Variants in ASIC3 observed in about 807,000 individuals in gnomAD.
ASIC3 encodes the protein acid-sensing ion channel 3.
In ASIC3, 46 loss-of-function variants were observed where a neutral mutation model predicts 58.6. The ratio of observed to expected loss-of-function variants is 0.79; its 90% CI spans 0.62 to 1.00. The LOEUF (loss-of-function observed/expected upper bound fraction) is 1.00, where lower values mean the gene tolerates loss of function less well. Ranked by LOEUF, ASIC3 falls within the 50% of genes least tolerant of loss-of-function variation. The pLI, the probability that ASIC3 is intolerant of heterozygous loss-of-function variation, is 0.00. For missense variants in ASIC3, 770 were observed against 735.0 expected (o/e 1.05, Z -0.55); for synonymous variants, 336 against 300.2 (o/e 1.12, Z -1.23).
At chr7:151,048,464 A>C, upstream of ASIC3, 1 of 177,328 alleles carries the variant, frequency 5.6e-6, no homozygotes, top group Non-Finnish European at 1.2e-5. Flanking sequence ...CTGGGGCCCT[A>C]GGGACCTCTC....
intron 6 of ASIC3, among the ~76,000 whole-genome samples, 197 bp downstream of exon 6, chr7:151,051,516 G>GT (rs1333370963): frequency 1.7e-3 from 194 of 114,412 alleles, no homozygotes; most frequent in African/African-American, 5.1e-3. Context: ...CCAGGGGTCT[G>GT]TTTTTTTTTC....
At chr7:151,049,674 G>A (rs1435100024) in intron 1 of ASIC3, among the ~76,000 whole-genome samples, 1 of 152,224 alleles carries the variant, frequency 6.6e-6, no homozygotes, top group Non-Finnish European at 1.5e-5. Flanking sequence ...CTAGGCCTGA[G>A]GTCTGGCCCA....
Position 151,051,205 on chromosome 7 carries a change from CCAACCCGTGCGCCAGCA to C in ASIC3, c.1102_1118del (p.Asn368AlafsTer43), listed in dbSNP as rs757817730. Reference sequence around the variant, plus strand: ...CTTCGCAAGGACTCGTGCGCCTGCCCCAACCCGTGCGCCAGCACGCGCTACGCCAAGGAGCTCTCCAT... The same window carrying C: ...CTTCGCAAGGACTCGTGCGCCTGCCCCGCGCTACGCCAAGGAGCTCTCCAT... On this transcript the variant is annotated frameshift_variant, in exon 6 of 11. Coordinates refer to ENST00000349064, the MANE Select transcript of ASIC3 (RefSeq NM_004769.4). LOFTEE classifies it high-confidence loss of function. 7.4e-5 allele frequency: 118 copies of C among 1,586,490 alleles called. No individual in the cohort carries two copies. Among genetic ancestry groups the C allele is most frequent in the Non-Finnish European group, 9.5e-5 (111 of 1,172,856 alleles).
chr7:151,051,212 GTGCGCCAGCAC>G lies in ASIC3; in HGVS notation c.1108_1118del (p.Cys370AlafsTer43). 1 of 1,583,924 alleles carries G rather than the reference GTGCGCCAGCAC, an allele frequency of 6.3e-7. No individual in the cohort carries two copies. The highest frequency in any genetic ancestry group is 8.5e-7 in the Non-Finnish European group (1 of 1,171,708). The stretch of plus-strand genomic sequence containing the variant: ...AGGACTCGTGCGCCTGCCCCAACCC[GTGCGCCAGCAC>G]GCGCTACGCCAAGGAGCTCTCCATG... On this transcript the variant is annotated frameshift_variant, in exon 6 of 11. Coordinates refer to ENST00000349064, the MANE Select transcript of ASIC3 (RefSeq NM_004769.4). LOFTEE classifies it high-confidence loss of function.
Position 151,051,323 on chromosome 7 carries a change from A to G in ASIC3, c.1214+4A>G. Reference sequence around the variant, plus strand: ...ACCGCAGCGAGGCCTACATCGCGTGAGCTGCGCGGGGCGGGCGGGCTCCTC... The same window carrying G: ...ACCGCAGCGAGGCCTACATCGCGTGGGCTGCGCGGGGCGGGCGGGCTCCTC... On this transcript the variant is annotated splice_donor_region_variant and intron_variant, in intron 6 of 10. Transcript: ENST00000349064. 1 of 1,493,586 alleles carries G rather than the reference A, an allele frequency of 6.7e-7. No individual in the cohort carries two copies. Among genetic ancestry groups the G allele is most frequent in the Non-Finnish European group, 8.8e-7 (1 of 1,132,382 alleles). 92.5% of individuals were successfully genotyped at this position (1,493,586 alleles called of 1,614,324 possible).
rs753138445 is a variant in ASIC3 at position 151,050,834 on chromosome 7, A to G, written c.890A>G (p.Asp297Gly). Residue 297 changes from aspartate (D) to glycine (G), a missense_variant, in exon 4 of 11, where the codon GAT becomes GGT. Asp to Gly is a moderately conservative substitution (Grantham distance 94). Coordinates refer to ENST00000349064, the MANE Select transcript of ASIC3 (RefSeq NM_004769.4). ...LNPNYEPEPSDPLGSPSPSPS... is the reference protein window; with the variant it reads ...LNPNYEPEPSGPLGSPSPSPS... ...CCCAACTATGAGCCAGAGCCCTCTGATCCCCTAGGCTCCCCCAGCCCCAGC... is the reference window on the plus strand; with the variant it reads ...CCCAACTATGAGCCAGAGCCCTCTGGTCCCCTAGGCTCCCCCAGCCCCAGC... 5 of 1,613,470 alleles carry G rather than the reference A, an allele frequency of 3.1e-6. No homozygotes were observed. In the South Asian group the frequency reaches 3.3e-5, roughly 11 times the overall value.
chr7:151,050,499 T>A lies in ASIC3; in HGVS notation c.704T>A (p.Val235Glu). 3 of 1,613,762 alleles carry A rather than the reference T, an allele frequency of 1.9e-6. No homozygotes were observed. Among genetic ancestry groups the A allele is most frequent in the Non-Finnish European group, 2.5e-6 (3 of 1,179,892 alleles). The stretch of plus-strand genomic sequence containing the variant: ...CCGACAGAGGAGACCCCGTTTGAGG[T>A]GGGGATCCGAGTGCAGATCCACAGC... ...WRDNEETPFE[V>E]GIRVQIHSQE... Residue 235 changes from valine (V) to glutamate (E), a missense_variant, in exon 3 of 11, where the codon GTG becomes GAG. Coordinates refer to ENST00000349064, the MANE Select transcript of ASIC3 (RefSeq NM_004769.4).
rs1471708260 is a variant in ASIC3, at chr7:151,048,768, CTCT to C, written c.-114_-112del. 7.6e-7 allele frequency: 1 copy of C among 1,310,378 alleles called. No individual in the cohort carries two copies. The highest frequency in any genetic ancestry group is 1.5e-5 in the African/African-American group (1 of 67,478). 81.2% of individuals were successfully genotyped at this position (1,310,378 alleles called of 1,614,324 possible). ...TCCAACCTTGGCTGTCTCCCACCCT[CTCT>C]TCTCCTCTCCTTGCCTGGCCTCCTG... On this transcript the variant is annotated 5_prime_UTR_variant, in exon 1 of 11. Transcript: ENST00000349064.
chr7:151,051,783 C>G, intron 6 of ASIC3, 27 bp from the exon 7 acceptor site: 1 of 1,610,062 alleles, frequency 6.2e-7, no homozygotes, highest in Non-Finnish European at 8.5e-7. Flanking sequence ...GTGGCCAGCC[C>G]ACATTTGAGG....
chr7:151,051,383 A>C, intron 6 of ASIC3, 64 bp downstream of exon 6: 1 of 1,412,430 alleles, frequency 7.1e-7, no homozygotes, highest in Non-Finnish European at 9.1e-7. Context: ...GGAACGGGGC[A>C]GGCCAGGCCG....
intron 3 of ASIC3, 39 bp downstream of exon 3, chr7:151,050,647 C>G (rs1030627779): frequency 1.9e-6 from 3 of 1,612,922 alleles, no homozygotes; most frequent in Non-Finnish European, 2.5e-6. Context: ...TACTTCAAGC[C>G]CACACCACCT....
In ASIC3 at chr7:151,051,052, G is replaced by A; in HGVS notation, c.1023G>A (p.Val341=). 6.2e-7 allele frequency: 1 copy of A among 1,613,324 alleles called. No individual in the cohort carries two copies. The highest frequency in any genetic ancestry group is 8.5e-7 in the Non-Finnish European group (1 of 1,180,008). Residue 341 remains valine (V), a synonymous_variant, in exon 5 of 11, where the codon GTG becomes GTA. Transcript: ENST00000349064. The part of the protein sequence containing the change: ...RMVYMPGDVP[V]CSPQQYKNCA... ...CGGTACCCGCAGGCGACGTGCCAGTGTGCAGCCCCCAGCAGTACAAGAACT... is the reference window on the plus strand; with the variant it reads ...CGGTACCCGCAGGCGACGTGCCAGTATGCAGCCCCCAGCAGTACAAGAACT...
rs116014003 is a variant in ASIC3, at chr7:151,048,929, C to G, written c.44C>G (p.Ser15Trp). 1.0e-4 allele frequency: 158 copies of G among 1,570,350 alleles called. No individual in the cohort carries two copies. The highest frequency in any genetic ancestry group is 2.6e-5 in the Non-Finnish European group (30 of 1,154,464). ...CCAGAGGAGGCCCGGCGGCCAGCCTCGGACATCCGCGTGTTCGCCAGCAAC... is the reference window on the plus strand; with the variant it reads ...CCAGAGGAGGCCCGGCGGCCAGCCTGGGACATCCGCGTGTTCGCCAGCAAC... ...SGPEEARRPA[S>W]DIRVFASNCS... The change falls in exon 1 of 11, where the codon TCG becomes TGG. Residue 15 changes from serine (S) to tryptophan (W), a missense_variant. Coordinates refer to ENST00000349064, the MANE Select transcript of ASIC3 (RefSeq NM_004769.4).
chr7:151,052,162 C>G lies in ASIC3; in HGVS notation c.1387-4C>G, dbSNP rs1229608993. Reference sequence around the variant, plus strand: ...TGGCCACCTCCCATCCTGCTTGCCTCCAGGTGTTCCGAGACAAGGTCCTGG... The same window carrying G: ...TGGCCACCTCCCATCCTGCTTGCCTGCAGGTGTTCCGAGACAAGGTCCTGG... On this transcript the variant is annotated splice_region_variant and splice_polypyrimidine_tract_variant and intron_variant, in intron 8 of 10. Coordinates refer to ENST00000349064, the MANE Select transcript of ASIC3 (RefSeq NM_004769.4). The surrounding 1 kb of genome is among the most constrained non-coding windows in gnomAD (Gnocchi z 5.0). The G allele has an allele frequency of 6.2e-7, 1 of 1,614,006 alleles. No homozygotes were observed. The highest frequency in any genetic ancestry group is 1.1e-5 in the South Asian group (1 of 91,080).
In ASIC3 at chr7:151,049,427, G is replaced by A. The variant is rs1459923661; in HGVS notation, c.534+8G>A. 2 of 1,569,258 alleles carry A rather than the reference G, an allele frequency of 1.3e-6. No homozygotes were observed. Among genetic ancestry groups the A allele is most frequent in the Non-Finnish European group, 1.7e-6 (2 of 1,157,776 alleles). ...CCTGAGAACTTCACCACGGTGAGCT[G>A]ACCTCCCTACCTATCCTGCCAGGGA... On this transcript the variant is annotated splice_region_variant and intron_variant, in intron 1 of 10. Transcript: ENST00000349064.
chr7:151,051,807 C>T lies in ASIC3; in HGVS notation c.1215-3C>T. ...CCACATTTGAGGCCATTCTTGTCCT[C>T]AGGGAGAACGTGCTGGCCCTGGACA... On this transcript the variant is annotated splice_polypyrimidine_tract_variant and splice_region_variant and intron_variant, in intron 6 of 10. Coordinates refer to ENST00000349064, the MANE Select transcript of ASIC3 (RefSeq NM_004769.4). 2 of 1,613,090 alleles carry T rather than the reference C, an allele frequency of 1.2e-6. No individual in the cohort carries two copies. Among genetic ancestry groups the T allele is most frequent in the Non-Finnish European group, 1.7e-6 (2 of 1,179,960 alleles).
chr7:151,049,415 C>T lies in ASIC3; in HGVS notation c.530C>T (p.Thr177Ile), dbSNP rs1160826273. 1 of 1,580,400 alleles carries T rather than the reference C, an allele frequency of 6.3e-7. No homozygotes were observed. Among genetic ancestry groups the T allele is most frequent in the Admixed American group, 1.7e-5 (1 of 58,724 alleles). ...RGQPCGPENF[T>I]TIFTRMGKCY... The stretch of plus-strand genomic sequence containing the variant: ...CAACCTTGTGGGCCTGAGAACTTCA[C>T]CACGGTGAGCTGACCTCCCTACCTA... Residue 177 changes from threonine to isoleucine, a missense_variant, in exon 1 of 11, where the codon ACC becomes ATC. Transcript: ENST00000349064.
At position 151,049,501 on chromosome 7, in the gene ASIC3, G is replaced by T. The variant is rs1796715710; in HGVS notation, c.534+82G>T. Reference sequence around the variant, plus strand: ...CCCAGCACCCACAATTCCCTAGCCAGCACAGGCTCCCCCAAAGCCAGGGGA... The same window carrying T: ...CCCAGCACCCACAATTCCCTAGCCATCACAGGCTCCCCCAAAGCCAGGGGA... On this transcript the variant is annotated intron_variant, in intron 1 of 10. Transcript: ENST00000349064. 10 of 1,480,590 alleles carry T rather than the reference G, an allele frequency of 6.8e-6. No individual in the cohort carries two copies. The African/African-American group carries it at 1.4e-4, about 21-fold the overall frequency. The allele number at this position is 1,480,590 out of a possible 1,614,324, so 91.7% of individuals were successfully genotyped here.
chr7:151,049,119 G>A lies in ASIC3; in HGVS notation c.234G>A (p.Glu78=), dbSNP rs554507762. 4 of 1,613,794 alleles carry A rather than the reference G, an allele frequency of 2.5e-6. No individual in the cohort carries two copies. Among genetic ancestry groups the A allele is most frequent in the South Asian group, 2.2e-5 (2 of 91,090 alleles). Residue 78 remains glutamate (E), a synonymous_variant, in exon 1 of 11, where the codon GAG becomes GAA. Coordinates refer to ENST00000349064, the MANE Select transcript of ASIC3 (RefSeq NM_004769.4). ...REFHHQTALD[E]RESHRLIFPA... ...TCCACCACCAGACTGCCCTGGATGA[G>A]CGAGAAAGCCACCGGCTCATCTTCC...
Sources: allele counts gnomAD v4.1 joint callset (sites outside exome capture counted in the v4.1 genomes callset), GRCh38; gene constraint gnomAD v4.1.1; non-coding constraint Gnocchi (gnomAD v3.1); transcripts MANE v1.5; gene names NCBI Gene and HGNC (gene_info 2026-07-23, HGNC 2026-07-21).